Variants in HIVEP3 observed in about 807,000 individuals in gnomAD.
HIVEP3 encodes transcription factor HIVEP3.
In HIVEP3, 49 loss-of-function variants were observed where a neutral mutation model predicts 152.8. The observed-to-expected ratio is 0.32, with a 90% CI of 0.26 to 0.41. The LOEUF (loss-of-function observed/expected upper bound fraction) is 0.41. Ranked by LOEUF, HIVEP3 falls within the 10% of genes least tolerant of loss-of-function variation. HIVEP3 has a pLI of 1.00. For synonymous variants in HIVEP3, 1,269 were observed against 1,289.0 expected (o/e 0.98, Z 0.33); for missense variants, 2,790 against 3,103.3 (o/e 0.90, Z 2.40).
chr1:41,836,548 G>A (rs1570637312), intron 1 of HIVEP3, among the ~76,000 whole-genome samples: 1 of 152,222 alleles, frequency 6.6e-6, no homozygotes, highest in Non-Finnish European at 1.5e-5. Context: ...ATCTGAGCAT[G>A]TTCTCAGTTC....
intron 1 of HIVEP3, among the ~76,000 whole-genome samples, chr1:41,976,687 A>G (rs1459250247): frequency 1.3e-5 from 2 of 152,230 alleles, no homozygotes; most frequent in African/African-American, 4.8e-5. Flanking sequence ...TTTGCTGCAG[A>G]TGTAATTAGT....
intron 1 of HIVEP3, among the ~76,000 whole-genome samples, chr1:42,022,811 T>C (rs978143828): frequency 3.9e-5 from 6 of 152,172 alleles, no homozygotes; most frequent in Admixed American, 3.9e-4. Context: ...TTGGGAATGG[T>C]TGTAAGTACT....
At position 41,582,650 on chromosome 1, in the gene HIVEP3, C is replaced by T; in HGVS notation, c.2148G>A (p.Arg716=). ...CCTCGTCCCCAAGGCTCTTCTCTTT[C>T]CTCCTCTTCCTCAGTGGAGTGAGTT... The part of the protein sequence containing the change: ...TLELTPLRKR[R]KEKSLGDEEE... Residue 716 remains arginine (R), a synonymous_variant, in exon 4 of 9, where the codon AGG becomes AGA. Transcript: ENST00000372583. The surrounding 1 kb of genome is among the most constrained non-coding windows in gnomAD (Gnocchi z 4.7). The T allele has an allele frequency of 6.2e-7, 1 of 1,614,142 alleles. No homozygotes were observed. The highest frequency in any genetic ancestry group is 8.5e-7 in the Non-Finnish European group (1 of 1,180,020).
intron 5 of HIVEP3, among the ~76,000 whole-genome samples, chr1:41,532,375 CAG>C (rs1397021983): frequency 6.6e-6 from 1 of 151,948 alleles, no homozygotes; most frequent in Non-Finnish European, 1.5e-5. Context: ...GGAGCAACGG[CAG>C]AGTGTTGAGA....
At chr1:41,713,880 G>A (rs1305995552) in intron 1 of HIVEP3, among the ~76,000 whole-genome samples, 1 of 152,264 alleles carries the variant, frequency 6.6e-6, no homozygotes, top group African/African-American at 2.4e-5. Flanking sequence ...GCTGCAGGAT[G>A]ATGGTGGGAG....
chr1:42,009,358 A>T (rs2124528574), intron 1 of HIVEP3, among the ~76,000 whole-genome samples: 1 of 152,148 alleles, frequency 6.6e-6, no homozygotes, highest in African/African-American at 2.4e-5. Flanking sequence ...TACATCTGGA[A>T]CTCCACCACC....
intron 1 of HIVEP3, among the ~76,000 whole-genome samples, chr1:42,029,860 CA>C (rs930265733): frequency 6.6e-6 from 1 of 151,040 alleles, no homozygotes; most frequent in African/African-American, 2.4e-5. Context: ...CTCCAATGAC[CA>C]AAAAAAAATT....
At chr1:41,730,821 G>T (rs910272872) in intron 1 of HIVEP3, among the ~76,000 whole-genome samples, 16 of 152,198 alleles carry the variant, frequency 1.1e-4, no homozygotes, top group Non-Finnish European at 2.2e-4. Context: ...GGGAGGCTGG[G>T]GGGTGGGGCA....
intron 1 of HIVEP3, among the ~76,000 whole-genome samples, chr1:41,790,989 C>T (rs778987823): frequency 1.2e-4 from 19 of 152,144 alleles, no homozygotes; most frequent in Non-Finnish European, 2.2e-4. Flanking sequence ...CACAATTCAC[C>T]CTTTCCTGTG....
chr1:41,598,406 A>AAT (rs1644697930), intron 3 of HIVEP3, among the ~76,000 whole-genome samples: 1 of 152,240 alleles, frequency 6.6e-6, no homozygotes, highest in African/African-American at 2.4e-5. Context: ...AATACACAAT[A>AAT]ATATATACAC....
chr1:41,600,991 C>T (rs1644740085), intron 3 of HIVEP3, among the ~76,000 whole-genome samples: 1 of 152,104 alleles, frequency 6.6e-6, no homozygotes, highest in Non-Finnish European at 1.5e-5. Flanking sequence ...CCAGTTTTCC[C>T]AGCACCATTT....
chr1:41,736,702 C>T (rs1646924349), intron 1 of HIVEP3, among the ~76,000 whole-genome samples: 1 of 152,224 alleles, frequency 6.6e-6, no homozygotes. Flanking sequence ...GCCTTCCAGA[C>T]TCTGTACTGG....
intron 1 of HIVEP3, among the ~76,000 whole-genome samples, chr1:41,851,849 T>A (rs530554687): frequency 6.6e-6 from 1 of 152,258 alleles, no homozygotes; most frequent in East Asian, 1.9e-4. Flanking sequence ...GTGAGTCAGG[T>A]CTTCCTGGAT....
chr1:41,529,327 A>G (rs1643155190), intron 5 of HIVEP3, among the ~76,000 whole-genome samples: 1 of 99,760 alleles, frequency 1.0e-5, no homozygotes, highest in Non-Finnish European at 2.0e-5. Context: ...ACCTCCCCAC[A>G]CCCTCACATT....
At chr1:41,551,414 C>T (rs899617859) in intron 5 of HIVEP3, among the ~76,000 whole-genome samples, 5 of 152,140 alleles carry the variant, frequency 3.3e-5, no homozygotes, top group Non-Finnish European at 5.9e-5. Context: ...GGGAGGATTC[C>T]TTCTTTTTCT....
chr1:41,836,490 C>T (rs149281943), intron 1 of HIVEP3, among the ~76,000 whole-genome samples: 61 of 152,316 alleles, frequency 4.0e-4, no homozygotes, highest in South Asian at 8.3e-4. Context: ...TGTTTCAGAA[C>T]GTCCTCATCT....
In HIVEP3 at chr1:41,580,087, G is replaced by A. The variant is rs1644378490; in HGVS notation, c.4711C>T (p.Leu1571=). ...CTGGAGGACGTTTCTGACAGAGGCA[G>A]AGAGCTCGGAGGTGCCAAGGAGGGG... The part of the protein sequence containing the change: ...DLPSLAPPSS[L]PLSETSSRPA... The change falls in exon 4 of 9, where the codon CTG becomes TTG. Residue 1571 remains leucine (L), a synonymous_variant. Coordinates refer to ENST00000372583, the MANE Select transcript of HIVEP3 (RefSeq NM_024503.5). 1 of 1,614,124 alleles carries A rather than the reference G, an allele frequency of 6.2e-7. No individual in the cohort carries two copies. Among genetic ancestry groups the A allele is most frequent in the African/African-American group, 1.3e-5 (1 of 74,954 alleles).
At chr1:41,652,867 T>C (rs943582438) in intron 2 of HIVEP3, among the ~76,000 whole-genome samples, 1 of 152,202 alleles carries the variant, frequency 6.6e-6, no homozygotes, top group African/African-American at 2.4e-5. Flanking sequence ...ATGTCACATG[T>C]GGGTTTCTGG....
At chr1:41,790,620 C>T (rs958697920) in intron 1 of HIVEP3, among the ~76,000 whole-genome samples, 3 of 152,094 alleles carry the variant, frequency 2.0e-5, no homozygotes, top group African/African-American at 7.2e-5. Context: ...TTTCTTCTTC[C>T]TCTAAGAGCA....
Sources: allele counts gnomAD v4.1 joint callset (sites outside exome capture counted in the v4.1 genomes callset), GRCh38; gene constraint gnomAD v4.1.1; non-coding constraint Gnocchi (gnomAD v3.1); transcripts MANE v1.5; gene names NCBI Gene and HGNC (gene_info 2026-07-23, HGNC 2026-07-21).